Variants in VDR observed in about 807,000 individuals in gnomAD.
VDR encodes vitamin D receptor, also known as vitamin D3 receptor.
Under a neutral mutation model 39.7 loss-of-function variants are expected in VDR, and 19 were observed. The observed-to-expected ratio is 0.48, with a 90% confidence interval of 0.33 to 0.70. VDR has a LOEUF of 0.70. VDR is among the 30% of genes least tolerant of loss of function. The pLI, the probability that VDR is intolerant of heterozygous loss-of-function variation, is 0.02. For missense variants in VDR, 442 were observed against 570.5 expected, an observed-to-expected ratio of 0.77 and a Z score of 2.29; for synonymous variants, 242 against 215.8, an observed-to-expected ratio of 1.12 and a Z score of -1.07.
intron 1 of VDR, among the ~76,000 whole-genome samples, chr12:47,904,174 C>T (rs1281655396): frequency 2.0e-5 from 3 of 151,814 alleles, no homozygotes; most frequent in South Asian, 2.1e-4. Flanking sequence ...ACCTAAGGCT[C>T]CCCCAGCCCA....
At chr12:47,867,944 GAA>G (rs1307354822) in intron 3 of VDR, among the ~76,000 whole-genome samples, 1 of 152,142 alleles carries the variant, frequency 6.6e-6, no homozygotes, top group Non-Finnish European at 1.5e-5. Flanking sequence ...CTGGGATAGA[GAA>G]GAGACCAGAG....
At chr12:47,862,761 T>C (rs1945651246) in intron 4 of VDR, among the ~76,000 whole-genome samples, 1 of 152,198 alleles carries the variant, frequency 6.6e-6, no homozygotes, top group Non-Finnish European at 1.5e-5. Context: ...ATAAGAAATG[T>C]GCAGCTCTCC....
chr12:47,855,368 A>T (rs1592104974), intron 7 of VDR, among the ~76,000 whole-genome samples: 3 of 151,676 alleles, frequency 2.0e-5, no homozygotes, highest in African/African-American at 7.3e-5. Flanking sequence ...ATAAATAAAT[A>T]AATTAGCCGG....
chr12:47,881,103 TGTATATATATATATATACACACAC>T (rs1946141264), intron 2 of VDR, among the ~76,000 whole-genome samples: 1 of 103,514 alleles, frequency 9.7e-6, no homozygotes, highest in Non-Finnish European at 2.2e-5. Flanking sequence ...TGTGTGTGTG[TGTATATATATATATATACACACAC>T]ATATACTGTC....
rs1006152111 is a variant in VDR at position 47,846,885 on chromosome 12, C to T, written c.756-77G>A. 5.8e-6 allele frequency: 9 copies of T among 1,555,370 alleles called. No homozygotes were observed. The African/African-American group carries it at 9.5e-5, about 16-fold the overall frequency. The stretch of plus-strand genomic sequence containing the variant: ...CACACAAATCAGTTTAGTGCTTTGA[C>T]AGGTATACACCTGCTGGGCACCAAC... On this transcript the variant is annotated intron_variant, in intron 7 of 9. Coordinates refer to ENST00000549336, the MANE Select transcript of VDR (RefSeq NM_000376.3).
intron 6 of VDR, 63 bp from the exon 7 acceptor site, chr12:47,855,864 C>A: frequency 6.2e-7 from 1 of 1,603,614 alleles, no homozygotes. Flanking sequence ...CCCCTCCTGC[C>A]AGACCCTGCA....
rs1451981688 is a variant in VDR, at chr12:47,855,787, A to T, written c.598T>A (p.Ser200Thr). 1.2e-6 allele frequency: 2 copies of T among 1,614,032 alleles called. No homozygotes were observed. The highest frequency in any genetic ancestry group is 1.3e-5 in the African/African-American group (1 of 75,054). ...CTCAGATCCAGATTGGAGAAGCTGG[A>T]CGAGTCCATCATGTCTGGGAGAGAT... Reference protein sequence around the residue: ...CITSSDMMDSSSFSNLDLSEE... With the variant: ...CITSSDMMDSTSFSNLDLSEE... Residue 200 changes from serine to threonine, a missense_variant, in exon 7 of 10, where the codon TCC becomes ACC. This residue lies in a region of VDR where 77 missense variants were observed against 67.4 expected (regional missense o/e 1.14). Coordinates refer to ENST00000549336, the MANE Select transcript of VDR (RefSeq NM_000376.3).
intron 3 of VDR, among the ~76,000 whole-genome samples, chr12:47,869,559 AG>A (rs1945810369): frequency 7.3e-6 from 1 of 136,284 alleles, no homozygotes; most frequent in African/African-American, 2.7e-5. Context: ...AAAAAAAAAA[AG>A]GAATAGGAAG....
In VDR at chr12:47,866,265, A is replaced by G. The variant is rs368472393; in HGVS notation, c.147-1088T>C. Among the ~76,000 whole-genome samples the G allele has an allele frequency of 9.3e-5, 14 of 150,024 alleles. No individual in the cohort carries two copies. In the East Asian group the frequency reaches 2.0e-3, roughly 22 times the overall value. On this transcript the variant is annotated intron_variant, in intron 3 of 9. Coordinates refer to ENST00000549336, the MANE Select transcript of VDR (RefSeq NM_000376.3). ...TGGGACTACAGGCGCCCACCACCGC[A>G]CCCGGCTAATTCTTTGTATTTTCAG...
At chr12:47,876,872 C>T (rs1173436391) in intron 3 of VDR, among the ~76,000 whole-genome samples, 1 of 152,206 alleles carries the variant, frequency 6.6e-6, no homozygotes, top group Non-Finnish European at 1.5e-5. Context: ...TGTGTCACCA[C>T]CCAACCAGCT....
chr12:47,873,385 C>A (rs113270938), intron 3 of VDR, among the ~76,000 whole-genome samples: 1 of 90,798 alleles, frequency 1.1e-5, no homozygotes, highest in East Asian at 4.2e-4. Flanking sequence ...TTTTTTGAGA[C>A]GGAGTCTCGC....
chr12:47,864,547 C>T (rs1175450449), intron 4 of VDR, among the ~76,000 whole-genome samples: 1 of 152,204 alleles, frequency 6.6e-6, no homozygotes, highest in African/African-American at 2.4e-5. Flanking sequence ...TGGGACAGAA[C>T]GTGGATGCCA....
chr12:47,855,183 C>T (rs1301589429), intron 7 of VDR, among the ~76,000 whole-genome samples: 1 of 152,160 alleles, frequency 6.6e-6, no homozygotes, highest in African/African-American at 2.4e-5. Context: ...TAAAAATTAG[C>T]CGGGCTTGGT....
intron 4 of VDR, among the ~76,000 whole-genome samples, chr12:47,861,838 G>A (rs981391490): frequency 6.6e-6 from 1 of 152,202 alleles, no homozygotes; most frequent in Admixed American, 6.5e-5. Context: ...GCCAAGATCT[G>A]CAACATAAAC....
rs11574014 is a variant in VDR at position 47,904,102 on chromosome 12, AGAG to A, written c.-84+850_-84+852del. Among the ~76,000 whole-genome samples the A allele has an allele frequency of 7.6e-3, 1,134 of 148,634 alleles. 15 individuals are homozygous for A. The highest frequency in any genetic ancestry group is 0.026 in the African/African-American group (1,052 of 40,292). ...CACGCATAGAGGAGGAGGAGGAACA[AGAG>A]GAGGAGGAGGAGGAGGAGGAGAAGG... is the stretch of plus-strand genomic sequence containing the variant. On this transcript the variant is annotated intron_variant, in intron 1 of 9. Coordinates refer to ENST00000549336, the MANE Select transcript of VDR (RefSeq NM_000376.3).
rs745468552 is a variant in VDR, at chr12:47,844,975, A to G, written c.1055T>C (p.Ile352Thr). Residue 352 changes from isoleucine (I) to threonine (T), a missense_variant, in exon 10 of 10, where the codon ATT (isoleucine) becomes ACT (threonine). This residue lies in a region of VDR where 173 missense variants were observed against 252.0 expected (regional missense o/e 0.69). Transcript: ENST00000549336. ...GGACAGGCGGTCCTGGATGGCCTCA[A>G]TCAGCGCGGCGTCCTGCACCCCAGG... Reference protein sequence around the residue: ...DRPGVQDAALIEAIQDRLSNT... With the variant: ...DRPGVQDAALTEAIQDRLSNT... The G allele has an allele frequency of 1.9e-6, 3 of 1,613,498 alleles. No homozygotes were observed. The highest frequency in any genetic ancestry group is 1.1e-5 in the South Asian group (1 of 91,068).
chr12:47,864,428 G>A (rs1945685849), intron 4 of VDR, among the ~76,000 whole-genome samples: 1 of 152,166 alleles, frequency 6.6e-6, no homozygotes, highest in African/African-American at 2.4e-5. Context: ...GGATTCAGAG[G>A]GTCGTCCTAG....
intron 3 of VDR, among the ~76,000 whole-genome samples, chr12:47,866,703 A>G (rs774729597): frequency 6.6e-6 from 1 of 152,200 alleles, no homozygotes. Context: ...GGAACAGAAA[A>G]CTAGAGCTGG....
Position 47,842,261 on chromosome 12 carries a change from T to G in VDR, c.*2485A>C, listed in dbSNP as rs1945185305. The G allele has an allele frequency of 6.6e-6, 1 of 152,408 alleles. No homozygotes were observed. 9.4% of individuals were successfully genotyped at this position (152,408 alleles called of 1,614,324 possible). ...ATTCACATTGAGGCAGAGGTGAGTC[T>G]CCTTCCTTCTCCTTCTGATGGGTTG... On this transcript the variant is annotated 3_prime_UTR_variant, in exon 10 of 10. Coordinates refer to ENST00000549336, the MANE Select transcript of VDR (RefSeq NM_000376.3).
Sources: gnomAD v4.1 joint callset for allele counts (sites outside exome capture counted in the v4.1 genomes callset) on GRCh38, gnomAD v4.1.1 for gene constraint, gnomAD v4.1.1 regional missense constraint, MANE v1.5 for transcripts, NCBI Gene and HGNC (gene_info 2026-07-23, HGNC 2026-07-21) for gene names.